Variants in RBFOX1 observed in about 807,000 individuals in gnomAD.
The protein encoded by RBFOX1 is RNA binding fox-1 homolog 1.
A neutral mutation model predicts 57.7 loss-of-function variants in RBFOX1; 8 were observed. The observed-to-expected ratio is 0.14, with a 90% CI of 0.08 to 0.25. RBFOX1 has a LOEUF of 0.25. Ranked by LOEUF, RBFOX1 falls within the 10% of genes least tolerant of loss-of-function variation. The pLI, the probability that RBFOX1 is intolerant of heterozygous loss-of-function variation, is 1.00. For synonymous variants in RBFOX1, 326 were observed against 222.4 expected (o/e 1.47, Z -4.15); for missense variants, 611 against 548.5 (o/e 1.11, Z -1.14).
chr16:7,257,552 C>G (rs1265906535), intron 4 of RBFOX1, among the ~76,000 whole-genome samples: 1 of 152,140 alleles, frequency 6.6e-6, no homozygotes, highest in Admixed American at 6.5e-5. Flanking sequence ...ACCTCACTGT[C>G]TCCCATTCCA....
At chr16:5,711,177 G>A (rs985042324) in intron 3 of RBFOX1, among the ~76,000 whole-genome samples, 1 of 152,188 alleles carries the variant, frequency 6.6e-6, no homozygotes, top group South Asian at 2.1e-4. Flanking sequence ...CACTTATATA[G>A]CACTTGCCCT....
intron 1 of RBFOX1, among the ~76,000 whole-genome samples, chr16:5,440,142 A>G (rs1292247521): frequency 6.6e-6 from 1 of 152,248 alleles, no homozygotes; most frequent in East Asian, 1.9e-4. Flanking sequence ...ATGTATAATA[A>G]GACCACTTGT....
chr16:6,680,471 G>T (rs933505429), intron 3 of RBFOX1, among the ~76,000 whole-genome samples: 26 of 151,898 alleles, frequency 1.7e-4, no homozygotes, highest in African/African-American at 6.3e-4. Flanking sequence ...CACCATGTTA[G>T]CCACGATGGT....
At chr16:6,916,030 C>G (rs8046101) in intron 3 of RBFOX1, among the ~76,000 whole-genome samples, 76,752 of 151,832 alleles carry the variant, frequency 0.51, 19,339 homozygotes, top group African/African-American at 0.52. Flanking sequence ...GCTGTCTTGA[C>G]TGGCAGGAAG....
At chr16:7,039,088 T>C (rs1256327064) in intron 3 of RBFOX1, among the ~76,000 whole-genome samples, 1 of 152,170 alleles carries the variant, frequency 6.6e-6, no homozygotes, top group Non-Finnish European at 1.5e-5. Context: ...GCCTGGGAGA[T>C]AGCACCCCAT....
chr16:7,112,681 T>TGTGTGG (rs1425941923), intron 4 of RBFOX1, among the ~76,000 whole-genome samples: 100 of 149,432 alleles, frequency 6.7e-4, no homozygotes, highest in African/African-American at 1.9e-3. Flanking sequence ...TGTGTGTGGG[T>TGTGTGG]GTGGGTGTGT....
chr16:6,306,051 G>A (rs574704406), intron 1 of RBFOX1, among the ~76,000 whole-genome samples: 5 of 152,092 alleles, frequency 3.3e-5, no homozygotes, highest in Non-Finnish European at 5.9e-5. Context: ...TATTTAAAGC[G>A]CGTTGGTTTT....
chr16:6,778,580 C>T (rs2079786297), intron 3 of RBFOX1, among the ~76,000 whole-genome samples: 1 of 152,018 alleles, frequency 6.6e-6, no homozygotes, highest in Non-Finnish European at 1.5e-5. Context: ...ATAAAGTTTC[C>T]TTGAACTGAA....
chr16:6,953,603 T>C (rs949277429), intron 3 of RBFOX1, among the ~76,000 whole-genome samples: 3 of 152,144 alleles, frequency 2.0e-5, no homozygotes, highest in Non-Finnish European at 2.9e-5. Context: ...GCCAGCGTGG[T>C]CTGAAACTGC....
At chr16:6,161,717 A>C (rs896606097) in intron 1 of RBFOX1, among the ~76,000 whole-genome samples, 1 of 152,188 alleles carries the variant, frequency 6.6e-6, no homozygotes, top group Non-Finnish European at 1.5e-5. Flanking sequence ...ATTGTCATCT[A>C]CACACACCTG....
chr16:7,504,755 TTATATATATATATA>T (rs1225848111), intron 4 of RBFOX1, among the ~76,000 whole-genome samples: 327 of 10,000 alleles, frequency 0.033, 34 homozygotes, highest in Non-Finnish European at 0.046. Flanking sequence ...ATATATATAT[TTATATATATATATA>T]TTTATATATA....
At position 5,424,870 on chromosome 16, in the gene RBFOX1, C is replaced by CTTTT. The variant is rs1204007994; in HGVS notation, c.220-42341_220-42338dup. ...CTTTCTCTCTCTCTCTTCTTTCTTT[C>CTTTT]TTTTTTTTCTTTCTTTCTTTCTTTC... is the stretch of plus-strand genomic sequence containing the variant. On this transcript the variant is annotated intron_variant, in intron 1 of 2. Transcript: ENST00000585867. Among the ~76,000 whole-genome samples the CTTTT allele has an allele frequency of 5.6e-5, 7 of 125,044 alleles. No individual in the cohort carries two copies. In the East Asian group the frequency reaches 7.1e-4, roughly 13 times the overall value. 82.0% of individuals were successfully genotyped at this position (125,044 alleles called of 152,430 possible). A position where few individuals can be genotyped will look rare whatever the true frequency, so the allele number is the denominator to read the frequency against.
intron 2 of RBFOX1, among the ~76,000 whole-genome samples, chr16:5,502,979 C>G (rs548368821): frequency 6.6e-6 from 1 of 152,236 alleles, no homozygotes; most frequent in African/African-American, 2.4e-5. Context: ...TCTATTTAGA[C>G]GTGTCCAATA....
intron 4 of RBFOX1, among the ~76,000 whole-genome samples, chr16:7,282,333 A>G (rs889945813): frequency 1.9e-4 from 29 of 152,318 alleles, no homozygotes; most frequent in African/African-American, 6.7e-4. Flanking sequence ...CCCCCAACTC[A>G]TTGCAAGGCA....
intron 1 of RBFOX1, among the ~76,000 whole-genome samples, chr16:6,210,322 A>C (rs1410958691): frequency 1.7e-5 from 2 of 115,884 alleles, no homozygotes; most frequent in Non-Finnish European, 3.6e-5. Flanking sequence ...TGTCTGAAAA[A>C]AAAAAACAAA....
chr16:7,464,234 G>C (rs1475373434), intron 4 of RBFOX1, among the ~76,000 whole-genome samples: 1 of 152,218 alleles, frequency 6.6e-6, no homozygotes, highest in Non-Finnish European at 1.5e-5. Flanking sequence ...GTGCACCTAT[G>C]CACATGTATA....
At chr16:7,265,288 T>C (rs1335623601) in intron 4 of RBFOX1, among the ~76,000 whole-genome samples, 1 of 151,870 alleles carries the variant, frequency 6.6e-6, no homozygotes, top group Non-Finnish European at 1.5e-5. Flanking sequence ...TCATGTGGTC[T>C]CGGTGGCTTA....
intron 1 of RBFOX1, among the ~76,000 whole-genome samples, chr16:5,310,233 C>G (rs986540610): frequency 1.3e-5 from 2 of 152,054 alleles, no homozygotes; most frequent in African/African-American, 2.4e-5. Context: ...GAAACCCTGT[C>G]TCTACAAAAA....
At chr16:6,941,009 C>G (rs140708398) in intron 3 of RBFOX1, among the ~76,000 whole-genome samples, 48 of 151,936 alleles carry the variant, frequency 3.2e-4, no homozygotes, top group Non-Finnish European at 6.2e-4. Context: ...ACCCGGCCCC[C>G]CTTATCGTAT....
Sources: gnomAD v4.1 joint callset for allele counts (sites outside exome capture counted in the v4.1 genomes callset) on GRCh38, gnomAD v4.1.1 for gene constraint, MANE v1.5 for transcripts, NCBI Gene and HGNC (gene_info 2026-07-23, HGNC 2026-07-21) for gene names.